OR9A4: variants seen among roughly 807,000 people sequenced by gnomAD.
OR9A4 encodes olfactory receptor family 9 subfamily A member 4.
In OR9A4, 16 loss-of-function variants were observed where a neutral mutation model predicts 17.1. The ratio of observed to expected loss-of-function variants is 0.94; its 90% CI spans 0.64 to 1.43. The LOEUF (loss-of-function observed/expected upper bound fraction) is 1.43, where lower values mean the gene tolerates loss of function less well. Among genes scored for constraint, OR9A4 ranks in the 40% most tolerant of loss-of-function variants. The pLI, the probability that OR9A4 is intolerant of heterozygous loss-of-function variation, is 0.00. For missense variants in OR9A4, 392 were observed against 382.1 expected, an observed-to-expected ratio of 1.03 and a Z score of -0.22; for synonymous variants, 167 against 143.3, an observed-to-expected ratio of 1.17 and a Z score of -1.18.
At position 141,918,862 on chromosome 7, in the gene OR9A4, G is replaced by A; in HGVS notation, c.-14G>A. 1.9e-6 allele frequency: 3 copies of A among 1,563,932 alleles called. No individual in the cohort carries two copies. The highest frequency in any genetic ancestry group is 1.7e-4 in the Middle Eastern group (1 of 5,840). On this transcript the variant is annotated 5_prime_UTR_variant, in exon 2 of 2. Coordinates refer to ENST00000641559, the MANE Select transcript of OR9A4 (RefSeq NM_001001656.3). ...GCTCTCTAGATTTCACAAGGAACAAGGGCTTAGAACTAAATGTTGATGAAT... is the reference window on the plus strand; with the variant it reads ...GCTCTCTAGATTTCACAAGGAACAAAGGCTTAGAACTAAATGTTGATGAAT...
chr7:141,920,479 A>G lies in OR9A4; in HGVS notation c.*659A>G, dbSNP rs1264716383. The G allele has an allele frequency of 6.6e-6, 1 of 152,294 alleles. No homozygotes were observed. The highest frequency in any genetic ancestry group is 2.4e-5 in the African/African-American group (1 of 41,422). The allele number at this position is 152,294 out of a possible 1,614,324, so 9.4% of individuals were successfully genotyped here. On this transcript the variant is annotated 3_prime_UTR_variant, in exon 2 of 2. Transcript: ENST00000641559. ...TACATTCGGAAACTTGTTAAAGAAC[A>G]TTCCAGGCATAGTGAGTAATAAGTG...
Position 141,919,526 on chromosome 7 carries a change from C to T in OR9A4, c.651C>T (p.Ser217=). The part of the protein sequence containing the change: ...LFGSLIPTIV[S]NAYIISTILK... ...GTTCTTTGATCCCTACAATTGTCTC[C>T]AACGCCTACATCATCTCCACCATTC... The change falls in exon 2 of 2, where the codon TCC becomes TCT. Residue 217 remains serine (S), a synonymous_variant. Coordinates refer to ENST00000641559, the MANE Select transcript of OR9A4 (RefSeq NM_001001656.3). The T allele has an allele frequency of 6.2e-7, 1 of 1,614,116 alleles. No homozygotes were observed. Among genetic ancestry groups the T allele is most frequent in the Non-Finnish European group, 8.5e-7 (1 of 1,180,016 alleles).
chr7:141,920,205 C>T lies in OR9A4; in HGVS notation c.*385C>T, dbSNP rs1342779033. The stretch of plus-strand genomic sequence containing the variant: ...GGTAGTGATAGCTATGGGGTACAGG[C>T]TTTCTTTTTGAAATGATGGTTGTAA... On this transcript the variant is annotated 3_prime_UTR_variant, in exon 2 of 2. Coordinates refer to ENST00000641559, the MANE Select transcript of OR9A4 (RefSeq NM_001001656.3). The T allele has an allele frequency of 1.2e-5, 2 of 161,470 alleles. No individual in the cohort carries two copies. The highest frequency in any genetic ancestry group is 2.4e-5 in the African/African-American group (1 of 41,720). 10.0% of individuals were successfully genotyped at this position (161,470 alleles called of 1,614,324 possible). A position where few individuals can be genotyped will look rare whatever the true frequency, so the allele number is the denominator to read the frequency against.
Position 141,919,199 on chromosome 7 carries a change from G to A in OR9A4, c.324G>A (p.Gly108=). ...AGCTCTTCTTGTACCTTGCTGTGGG[G>A]ACAACAGAGTTCGCATTACTTGGAG... is the stretch of plus-strand genomic sequence containing the variant. ...VVQLFLYLAV[G]TTEFALLGAM... The change falls in exon 2 of 2, where the codon GGG becomes GGA. Residue 108 remains glycine, a synonymous_variant. Coordinates refer to ENST00000641559, the MANE Select transcript of OR9A4 (RefSeq NM_001001656.3). 1 of 1,614,090 alleles carries A rather than the reference G, an allele frequency of 6.2e-7. No homozygotes were observed. Among genetic ancestry groups the A allele is most frequent in the Non-Finnish European group, 8.5e-7 (1 of 1,180,034 alleles).
chr7:141,919,685 C>A lies in OR9A4; in HGVS notation c.810C>A (p.Tyr270Ter). Residue 270 changes from tyrosine to a stop codon, truncating the protein, a stop_gained, in exon 2 of 2, where the codon TAC (tyrosine) becomes TAA (stop). Transcript: ENST00000641559. LOFTEE classifies it high-confidence loss of function. Reference protein sequence around the residue: ...VKPKQTQAADYNWVVSLMVSV... With the variant: ...VKPKQTQAAD ...CCAAGCAAACGCAGGCAGCTGATTA[C>A]AATTGGGTAGTTTCCCTGATGGTTT... 6.2e-7 allele frequency: 1 copy of A among 1,614,148 alleles called. No individual in the cohort carries two copies. The highest frequency in any genetic ancestry group is 8.5e-7 in the Non-Finnish European group (1 of 1,180,032).
Position 141,919,153 on chromosome 7 carries a change from A to G in OR9A4, c.278A>G (p.Tyr93Cys). 6.2e-7 allele frequency: 1 copy of G among 1,614,012 alleles called. No individual in the cohort carries two copies. Among genetic ancestry groups the G allele is most frequent in the South Asian group, 1.1e-5 (1 of 91,070 alleles). Residue 93 changes from tyrosine to cysteine, a missense_variant, in exon 2 of 2, where the codon TAT becomes TGT. Coordinates refer to ENST00000641559, the MANE Select transcript of OR9A4 (RefSeq NM_001001656.3). ...CTGCTCCCTGGGATGCAGACAATAT[A>G]TTTGTCTGCCTGTGTTGTCCAGCTC... The part of the protein sequence containing the change: ...GLLLPGMQTI[Y>C]LSACVVQLFL...
intron 1 of OR9A4, among the ~76,000 whole-genome samples, chr7:141,917,160 A>G (rs1802198514): frequency 6.6e-6 from 1 of 152,232 alleles, no homozygotes; most frequent in Non-Finnish European, 1.5e-5. Flanking sequence ...AAGAGAAATG[A>G]CCTACCTATG....
In OR9A4 at chr7:141,919,631, C is replaced by T. The variant is rs782066072; in HGVS notation, c.756C>T (p.Tyr252=). 1.6e-5 allele frequency: 26 copies of T among 1,614,024 alleles called. No homozygotes were observed. The highest frequency in any genetic ancestry group is 1.6e-4 in the African/African-American group (12 of 74,902). The part of the protein sequence containing the change: ...ASHFTCVVIG[Y]GSCLFLYVKP... Reference sequence around the variant, plus strand: ...ACTTCACCTGTGTTGTGATTGGCTACGGCAGCTGCTTGTTTCTCTACGTGA... The same window carrying T: ...ACTTCACCTGTGTTGTGATTGGCTATGGCAGCTGCTTGTTTCTCTACGTGA... Residue 252 remains tyrosine (Y), a synonymous_variant, in exon 2 of 2, where the codon TAC becomes TAT. Transcript: ENST00000641559.
In OR9A4 at chr7:141,920,033, TCTAG is replaced by T. The variant is rs1261351593; in HGVS notation, c.*217_*220del. 2.1e-5 allele frequency: 10 copies of T among 478,792 alleles called. No homozygotes were observed. The highest frequency in any genetic ancestry group is 3.7e-5 in the Non-Finnish European group (10 of 271,882). The allele number at this position is 478,792 out of a possible 1,614,324, so 29.7% of individuals were successfully genotyped here. A position where few individuals can be genotyped will look rare whatever the true frequency, so the allele number is the denominator to read the frequency against. On this transcript the variant is annotated 3_prime_UTR_variant, in exon 2 of 2. Coordinates refer to ENST00000641559, the MANE Select transcript of OR9A4 (RefSeq NM_001001656.3). Reference sequence around the variant, plus strand: ...ATTATTTTTAAGACATGTCTTGCTATCTAGCTATCTATCTATCATCTGCCTTTCT... The same window carrying T: ...ATTATTTTTAAGACATGTCTTGCTATCTATCTATCTATCATCTGCCTTTCT...
rs73523902 is a variant in OR9A4 at position 141,920,070 on chromosome 7, T to C, written c.*250T>C. The stretch of plus-strand genomic sequence containing the variant: ...TCTATCATCTGCCTTTCTTAAGATA[T>C]GATGATTTCACAATTAAACTTTGAA... On this transcript the variant is annotated 3_prime_UTR_variant, in exon 2 of 2. Coordinates refer to ENST00000641559, the MANE Select transcript of OR9A4 (RefSeq NM_001001656.3). The C allele has an allele frequency of 0.053, 20,816 of 394,056 alleles. 929 individuals carry two copies. The highest frequency in any genetic ancestry group is 0.17 in the South Asian group (3,160 of 18,508). The allele number at this position is 394,056 out of a possible 1,614,324, so 24.4% of individuals were successfully genotyped here.
Position 141,918,965 on chromosome 7 carries a change from C to A in OR9A4, c.90C>A (p.Phe30Leu). The A allele has an allele frequency of 6.2e-7, 1 of 1,613,968 alleles. No homozygotes were observed. The highest frequency in any genetic ancestry group is 8.5e-7 in the Non-Finnish European group (1 of 1,179,964). ...EELHHILFAIFFFFYLVTLMG... is the reference protein window; with the variant it reads ...EELHHILFAILFFFYLVTLMG... ...TACATCATATCCTTTTTGCTATATT[C>A]TTCTTTTTCTACTTGGTGACATTAA... Residue 30 changes from phenylalanine to leucine, a missense_variant, in exon 2 of 2, where the codon TTC becomes TTA. Phe to Leu is a conservative substitution (Grantham distance 22). Transcript: ENST00000641559.
chr7:141,919,378 AC>A lies in OR9A4; in HGVS notation c.504del (p.Cys169AlafsTer6). The stretch of plus-strand genomic sequence containing the variant: ...GTCTATGTCATGTTTCAGCTTACTT[AC>A]TGCAAATCAAATGTGGTGAACAATT... ...WPVYVMFQLT[Y>X]CKSNVVNNFF... On this transcript the variant is annotated frameshift_variant, in exon 2 of 2. Transcript: ENST00000641559. LOFTEE classifies it high-confidence loss of function. 6.2e-7 allele frequency: 1 copy of A among 1,614,124 alleles called. No individual in the cohort carries two copies. The highest frequency in any genetic ancestry group is 8.5e-7 in the Non-Finnish European group (1 of 1,180,036).
At position 141,919,119 on chromosome 7, in the gene OR9A4, T is replaced by C. The variant is rs1279645047; in HGVS notation, c.244T>C (p.Trp82Arg). 6.2e-7 allele frequency: 1 copy of C among 1,614,042 alleles called. No homozygotes were observed. The highest frequency in any genetic ancestry group is 8.5e-7 in the Non-Finnish European group (1 of 1,180,032). The part of the protein sequence containing the change: ...VTTIIVPVML[W>R]GLLLPGMQTI... ...AACCATAATCGTCCCCGTGATGCTT[T>C]GGGGATTGCTGCTCCCTGGGATGCA... Residue 82 changes from tryptophan to arginine, a missense_variant, in exon 2 of 2, where the codon TGG becomes CGG. Trp to Arg is a moderately radical substitution (Grantham distance 101). Transcript: ENST00000641559.
At chr7:141,918,387 G>A (rs1469771623) in intron 1 of OR9A4, among the ~76,000 whole-genome samples, 1 of 152,208 alleles carries the variant, frequency 6.6e-6, no homozygotes, top group Admixed American at 6.5e-5. Flanking sequence ...TTACAAGCGT[G>A]AGCCACCGCA....
At position 141,918,937 on chromosome 7, in the gene OR9A4, A is replaced by C; in HGVS notation, c.62A>C (p.Glu21Ala). The change falls in exon 2 of 2, where the codon GAA (glutamate) becomes GCA (alanine). Residue 21 changes from glutamate to alanine, a missense_variant. Coordinates refer to ENST00000641559, the MANE Select transcript of OR9A4 (RefSeq NM_001001656.3). ...CTCCTTGGCTTCCCTGGCTCTGAAGAACTACATCATATCCTTTTTGCTATA... is the reference window on the plus strand; with the variant it reads ...CTCCTTGGCTTCCCTGGCTCTGAAGCACTACATCATATCCTTTTTGCTATA... The part of the protein sequence containing the change: ...FYLLGFPGSE[E>A]LHHILFAIFF... 1 of 1,614,110 alleles carries C rather than the reference A, an allele frequency of 6.2e-7. No homozygotes were observed.
In OR9A4 at chr7:141,919,230, G is replaced by A; in HGVS notation, c.355G>A (p.Ala119Thr). ...TTEFALLGAM[A>T]VDRYVAVCNP... Reference sequence around the variant, plus strand: ...AGAGTTCGCATTACTTGGAGCAATGGCTGTGGACCGTTATGTGGCTGTCTG... The same window carrying A: ...AGAGTTCGCATTACTTGGAGCAATGACTGTGGACCGTTATGTGGCTGTCTG... The change falls in exon 2 of 2, where the codon GCT becomes ACT. Residue 119 changes from alanine (A) to threonine (T), a missense_variant. Ala to Thr is a moderately conservative substitution (Grantham distance 58, BLOSUM62 0). Coordinates refer to ENST00000641559, the MANE Select transcript of OR9A4 (RefSeq NM_001001656.3). The A allele has an allele frequency of 1.2e-6, 2 of 1,614,102 alleles. No individual in the cohort carries two copies. Among genetic ancestry groups the A allele is most frequent in the East Asian group, 4.5e-5 (2 of 44,868 alleles).
Position 141,919,635 on chromosome 7 carries a change from A to G in OR9A4, c.760A>G (p.Ser254Gly). 1 of 1,614,144 alleles carries G rather than the reference A, an allele frequency of 6.2e-7. No homozygotes were observed. The highest frequency in any genetic ancestry group is 1.1e-5 in the South Asian group (1 of 91,084). ...CACCTGTGTTGTGATTGGCTACGGCAGCTGCTTGTTTCTCTACGTGAAACC... is the reference window on the plus strand; with the variant it reads ...CACCTGTGTTGTGATTGGCTACGGCGGCTGCTTGTTTCTCTACGTGAAACC... Reference protein sequence around the residue: ...HFTCVVIGYGSCLFLYVKPKQ... With the variant: ...HFTCVVIGYGGCLFLYVKPKQ... Residue 254 changes from serine to glycine, a missense_variant, in exon 2 of 2, where the codon AGC (serine) becomes GGC (glycine). Physicochemically the swap from Ser to Gly is moderately conservative, Grantham distance 56 (BLOSUM62 0). Coordinates refer to ENST00000641559, the MANE Select transcript of OR9A4 (RefSeq NM_001001656.3).
rs202084971 is a variant in OR9A4 at position 141,919,605 on chromosome 7, C to T, written c.730C>T (p.His244Tyr). The change falls in exon 2 of 2, where the codon CAC becomes TAC. Residue 244 changes from histidine to tyrosine, a missense_variant. By Grantham distance (83) the His-to-Tyr change is moderately conservative. Transcript: ENST00000641559. Reference sequence around the variant, plus strand: ...GAAATCCTTCTCCACTTGTGCCTCCCACTTCACCTGTGTTGTGATTGGCTA... The same window carrying T: ...GAAATCCTTCTCCACTTGTGCCTCCTACTTCACCTGTGTTGTGATTGGCTA... ...RRKSFSTCAS[H>Y]FTCVVIGYGS... 3.5e-4 allele frequency: 558 copies of T among 1,614,190 alleles called. 3 individuals are homozygous for T. In the Middle Eastern group the frequency reaches 6.4e-3, roughly 19 times the overall value.
rs1802258027 is a variant in OR9A4 at position 141,920,117 on chromosome 7, C to T, written c.*297C>T. The stretch of plus-strand genomic sequence containing the variant: ...TGAAAAATTAAATGTCAGAGATAGA[C>T]TATCTATATAGTCTAGAAAATAGAC... On this transcript the variant is annotated 3_prime_UTR_variant, in exon 2 of 2. Coordinates refer to ENST00000641559, the MANE Select transcript of OR9A4 (RefSeq NM_001001656.3). 3.5e-6 allele frequency: 1 copy of T among 284,264 alleles called. No individual in the cohort carries two copies. Among genetic ancestry groups the T allele is most frequent in the Non-Finnish European group, 6.6e-6 (1 of 150,566 alleles). 17.6% of individuals were successfully genotyped at this position (284,264 alleles called of 1,614,324 possible).
Sources: gnomAD v4.1 joint callset for allele counts (sites outside exome capture counted in the v4.1 genomes callset) on GRCh38, gnomAD v4.1.1 for gene constraint, MANE v1.5 for transcripts, NCBI Gene and HGNC (gene_info 2026-07-23, HGNC 2026-07-21) for gene names.